DCDC2: variants seen among roughly 807,000 people sequenced by gnomAD.
DCDC2 encodes the protein doublecortin domain containing 2.
DCDC2 carries 40 observed loss-of-function variants against 50.2 expected under a neutral mutation model. The ratio of observed to expected loss-of-function variants is 0.80; its 90% CI spans 0.62 to 1.04. DCDC2 has a LOEUF of 1.04. DCDC2 is among the 50% of genes least tolerant of loss of function. DCDC2 has a pLI of 0.00. For synonymous variants in DCDC2, 234 were observed against 210.6 expected (o/e 1.11, Z -0.96); for missense variants, 570 against 581.9 (o/e 0.98, Z 0.21).
At chr6:24,268,172 T>C (rs532127703) in intron 7 of DCDC2, among the ~76,000 whole-genome samples, 1 of 152,242 alleles carries the variant, frequency 6.6e-6, no homozygotes, top group Admixed American at 6.5e-5. Flanking sequence ...TGAAACTCAT[T>C]ACCAGAAGCA....
At chr6:24,358,702 T>G (rs74542811), upstream of DCDC2, among the ~76,000 whole-genome samples, 1 of 74,334 alleles carries the variant, frequency 1.3e-5, no homozygotes, top group Non-Finnish European at 2.8e-5. Context: ...ATATATATTT[T>G]TTTTATATAT....
At chr6:24,329,443 T>C (rs1393822470) in intron 2 of DCDC2, among the ~76,000 whole-genome samples, 1 of 152,188 alleles carries the variant, frequency 6.6e-6, no homozygotes, top group Non-Finnish European at 1.5e-5. Flanking sequence ...ATACCATTGC[T>C]ATCCTATTTC....
Position 24,274,112 on chromosome 6 carries a change from G to A in DCDC2, c.922+3937C>T, listed in dbSNP as rs146435472. Among the ~76,000 whole-genome samples the A allele has an allele frequency of 1.0e-3, 155 of 152,224 alleles. No individual in the cohort carries two copies. The East Asian group carries it at 0.02, about 20-fold the overall frequency. On this transcript the variant is annotated intron_variant, in intron 7 of 9. Transcript: ENST00000378454. ...CTTTTTAATGCTTTGCCTTGAAAAC[G>A]TACTTACAATTATCAATACAATGTA... is the stretch of plus-strand genomic sequence containing the variant.
At chr6:24,254,617 AT>A (rs780611506) in intron 7 of DCDC2, among the ~76,000 whole-genome samples, 4 of 152,066 alleles carry the variant, frequency 2.6e-5, no homozygotes, top group Non-Finnish European at 4.4e-5. Flanking sequence ...TTTATTTATA[AT>A]TTTTTTACAA....
intron 6 of DCDC2, among the ~76,000 whole-genome samples, chr6:24,285,332 GCTTAACGTCA>G (rs1290114345): frequency 6.6e-6 from 1 of 152,128 alleles, no homozygotes; most frequent in Non-Finnish European, 1.5e-5. Context: ...CTGAGTCTTT[GCTTAACGTCA>G]CTTCCTCCAT....
At chr6:24,195,667 T>C (rs7745031) in intron 8 of DCDC2, among the ~76,000 whole-genome samples, 3,646 of 152,224 alleles carry the variant, frequency 0.024, 118 homozygotes, top group African/African-American at 0.079. Flanking sequence ...ACCTTCTAGA[T>C]GCCCATAGCA....
At chr6:24,324,810 G>C (rs370509553) in intron 2 of DCDC2, among the ~76,000 whole-genome samples, 116 of 151,874 alleles carry the variant, frequency 7.6e-4, no homozygotes, top group African/African-American at 2.7e-3. Flanking sequence ...TTGAACCCAG[G>C]TGTTCAAGGC....
intron 8 of DCDC2, among the ~76,000 whole-genome samples, chr6:24,184,526 G>A (rs369214050): frequency 1.4e-4 from 21 of 151,716 alleles, no homozygotes; most frequent in Middle Eastern, 6.8e-3. Context: ...AGCTGAGATT[G>A]CACCACTGCA....
intron 7 of DCDC2, among the ~76,000 whole-genome samples, chr6:24,266,721 T>C (rs1440083846): frequency 2.0e-5 from 3 of 152,160 alleles, no homozygotes; most frequent in African/African-American, 7.2e-5. Flanking sequence ...GATGGGAATG[T>C]AAATTAGCAT....
chr6:24,304,550 A>AG (rs1056913945), intron 2 of DCDC2, among the ~76,000 whole-genome samples: 3 of 152,202 alleles, frequency 2.0e-5, no homozygotes, highest in African/African-American at 4.8e-5. Flanking sequence ...AAGTGGTTAA[A>AG]GGGGGTGTAC....
chr6:24,374,444 G>T, the DCDC2 span, among the ~76,000 whole-genome samples: 3 of 151,846 alleles, frequency 2.0e-5, no homozygotes, highest in Admixed American at 6.6e-5. Context: ...GCCAGGCATG[G>T]TGGCTCACAT....
chr6:24,382,775 C>T, the DCDC2 span, among the ~76,000 whole-genome samples: 2 of 152,162 alleles, frequency 1.3e-5, no homozygotes, highest in Admixed American at 1.3e-4. Context: ...CTTCAAAAGA[C>T]TCTCACTATC....
chr6:24,370,699 G>A, the DCDC2 span, among the ~76,000 whole-genome samples: 2 of 152,154 alleles, frequency 1.3e-5, no homozygotes, highest in African/African-American at 4.8e-5. Flanking sequence ...GGCAAAGAGA[G>A]ACCCTGTCTC....
intron 7 of DCDC2, 166 bp from the exon 8 acceptor site, chr6:24,205,268 T>C (rs1237536785): frequency 6.4e-7 from 1 of 1,558,442 alleles, no homozygotes; most frequent in Non-Finnish European, 8.7e-7. Flanking sequence ...CACCCCCAGT[T>C]GTTCCACATT....
At chr6:24,261,042 GC>G (rs1372286449) in intron 7 of DCDC2, among the ~76,000 whole-genome samples, 54 of 152,278 alleles carry the variant, frequency 3.5e-4, no homozygotes, top group African/African-American at 1.3e-3. Flanking sequence ...AACTGTCTAT[GC>G]TTTTAATTGA....
chr6:24,258,234 G>C (rs771099161), intron 7 of DCDC2, among the ~76,000 whole-genome samples: 2 of 152,182 alleles, frequency 1.3e-5, no homozygotes, highest in African/African-American at 2.4e-5. Flanking sequence ...CTTCCACAGC[G>C]TGCAAGTGGA....
Position 24,319,689 on chromosome 6 carries a change from A to G in DCDC2, c.349-17645T>C, listed in dbSNP as rs1037170393. Among the ~76,000 whole-genome samples the G allele has an allele frequency of 1.2e-4, 18 of 152,272 alleles. No homozygotes were observed. In the South Asian group the frequency reaches 3.5e-3, roughly 30 times the overall value. On this transcript the variant is annotated intron_variant, in intron 2 of 9. Transcript: ENST00000378454. Reference sequence around the variant, plus strand: ...AGAAGGGTATTTTGAAAATGTATACATGTATCTGCTCATTTGTGCAAAAGG... The same window carrying G: ...AGAAGGGTATTTTGAAAATGTATACGTGTATCTGCTCATTTGTGCAAAAGG...
At chr6:24,205,352 A>T (rs1761697514) in intron 7 of DCDC2, 2 of 1,489,294 alleles carry the variant, frequency 1.3e-6, no homozygotes, top group Non-Finnish European at 1.8e-6. Flanking sequence ...GCTCCTGTTC[A>T]CCCTTTGGCT....
At chr6:24,251,715 T>C (rs1417467149) in intron 7 of DCDC2, among the ~76,000 whole-genome samples, 2 of 152,226 alleles carry the variant, frequency 1.3e-5, no homozygotes, top group African/African-American at 4.8e-5. Flanking sequence ...AAACCTAGGA[T>C]GGATTTCTTA....
Sources: gnomAD v4.1 joint callset for allele counts (sites outside exome capture counted in the v4.1 genomes callset) on GRCh38, gnomAD v4.1.1 for gene constraint, MANE v1.5 for transcripts, NCBI Gene and HGNC (gene_info 2026-07-23, HGNC 2026-07-21) for gene names.